SIPA1L2: variants seen among roughly 807,000 people sequenced by gnomAD.
The protein encoded by SIPA1L2 is signal-induced proliferation-associated 1-like protein 2.
A neutral mutation model predicts 163.9 loss-of-function variants in SIPA1L2; 56 were observed. That is an observed-to-expected ratio of 0.34 (90% CI 0.28 to 0.43). SIPA1L2 has a LOEUF of 0.43. Ranked by LOEUF, SIPA1L2 falls within the 20% of genes least tolerant of loss-of-function variation. SIPA1L2 has a pLI of 1.00. For synonymous variants in SIPA1L2, 877 were observed against 865.7 expected, an observed-to-expected ratio of 1.01 and a Z score of -0.23; for missense variants, 1,974 against 2,193.5, an observed-to-expected ratio of 0.90 and a Z score of 2.00.
At chr1:232,442,330 A>G (rs555611296) in intron 12 of SIPA1L2, among the ~76,000 whole-genome samples, 2 of 152,056 alleles carry the variant, frequency 1.3e-5, no homozygotes, top group South Asian at 4.2e-4. Context: ...CGAGCAGATC[A>G]CTAGGTCAGG....
chr1:232,596,295 G>A (rs1661251088), intron 1 of SIPA1L2, among the ~76,000 whole-genome samples: 1 of 152,102 alleles, frequency 6.6e-6, no homozygotes, highest in African/African-American at 2.4e-5. Flanking sequence ...AAAACATACA[G>A]AACATCACAC....
At position 232,427,442 on chromosome 1, in the gene SIPA1L2, G is replaced by A. The variant is rs899698453; in HGVS notation, c.4410+969C>T. Among the ~76,000 whole-genome samples the A allele has an allele frequency of 3.9e-5, 6 of 152,322 alleles. No homozygotes were observed. In the South Asian group the frequency reaches 1.2e-3, roughly 32 times the overall value. ...AGACCTGCAGTTTACCCTGATCATGGTCAGTATGGCAATACCTGATTTCCT... is the reference window on the plus strand; with the variant it reads ...AGACCTGCAGTTTACCCTGATCATGATCAGTATGGCAATACCTGATTTCCT... On this transcript the variant is annotated intron_variant, in intron 17 of 22. Coordinates refer to ENST00000674635, the MANE Select transcript of SIPA1L2 (RefSeq NM_020808.5).
chr1:232,460,835 T>C, intron 10 of SIPA1L2, 52 bp downstream of exon 10: 7 of 1,579,030 alleles, frequency 4.4e-6, no homozygotes, highest in Non-Finnish European at 6.0e-6. Context: ...GACAGCCACC[T>C]GCTACAGAGG....
intron 2 of SIPA1L2, among the ~76,000 whole-genome samples, chr1:232,535,310 C>T (rs1657235845): frequency 6.6e-6 from 1 of 152,084 alleles, no homozygotes; most frequent in Non-Finnish European, 1.5e-5. Context: ...TCTAATTTTC[C>T]TTCATGAATG....
chr1:232,460,773 G>T, intron 10 of SIPA1L2, 114 bp downstream of exon 10: 1 of 1,300,114 alleles, frequency 7.7e-7, no homozygotes. Flanking sequence ...CCAGAACACT[G>T]TACAAAGACA....
At chr1:232,529,155 C>CAT (rs1667855632) in intron 2 of SIPA1L2, among the ~76,000 whole-genome samples, 1 of 152,144 alleles carries the variant, frequency 6.6e-6, no homozygotes, top group Admixed American at 6.5e-5. Flanking sequence ...AGTTATGATA[C>CAT]ACAGGTGTCT....
At chr1:232,494,272 A>G (rs1666068777) in intron 3 of SIPA1L2, among the ~76,000 whole-genome samples, 1 of 152,254 alleles carries the variant, frequency 6.6e-6, no homozygotes, top group Non-Finnish European at 1.5e-5. Context: ...TTTTATCCAC[A>G]AATCCTATAA....
chr1:232,493,415 CATT>C, intron 4 of SIPA1L2, 109 bp downstream of exon 4: 1 of 1,314,766 alleles, frequency 7.6e-7, no homozygotes, highest in East Asian at 2.3e-5. Flanking sequence ...ATGTTGCAAT[CATT>C]AACATTAAAA....
chr1:232,585,062 A>G (rs755758439), intron 1 of SIPA1L2, among the ~76,000 whole-genome samples: 3 of 152,240 alleles, frequency 2.0e-5, no homozygotes, highest in Non-Finnish European at 4.4e-5. Flanking sequence ...CAATTGGGGT[A>G]GAGATCTTGA....
In SIPA1L2 at chr1:232,528,573, C is replaced by G. The variant is rs1387504179; in HGVS notation, c.-269-12965G>C. Among the ~76,000 whole-genome samples the G allele has an allele frequency of 2.0e-5, 3 of 152,194 alleles. No individual in the cohort carries two copies. The East Asian group carries it at 5.8e-4, about 29-fold the overall frequency. On this transcript the variant is annotated intron_variant, in intron 2 of 22. Transcript: ENST00000674635. ...CCTCCTTCCTGTAACGGGCAACTCT[C>G]CTCTTCATCCTTCTTAGAGCCAGAC...
At position 232,598,665 on chromosome 1, in the gene SIPA1L2, C is replaced by T. The variant is rs1312756215; in HGVS notation, c.-318-24443G>A. ...GGTGAGAGCCCACTTCTCTGATTCA[C>T]AGAACGTCACCATCTTACATGGGTC... On this transcript the variant is annotated intron_variant, in intron 1 of 22. Coordinates refer to ENST00000674635, the MANE Select transcript of SIPA1L2 (RefSeq NM_020808.5). Among the ~76,000 whole-genome samples the T allele has an allele frequency of 2.6e-5, 4 of 152,158 alleles. No individual in the cohort carries two copies. In the East Asian group the frequency reaches 7.7e-4, roughly 29 times the overall value.
intron 3 of SIPA1L2, among the ~76,000 whole-genome samples, chr1:232,499,969 T>C (rs1439014709): frequency 1.3e-5 from 2 of 149,668 alleles, no homozygotes; most frequent in Admixed American, 6.9e-5. Flanking sequence ...CTGTTTACAG[T>C]ATGGTTTACT....
chr1:232,478,016 C>T (rs1665134507), intron 7 of SIPA1L2, among the ~76,000 whole-genome samples: 1 of 152,164 alleles, frequency 6.6e-6, no homozygotes, highest in South Asian at 2.1e-4. Flanking sequence ...GCAACAACTC[C>T]CACAGAGTTT....
chr1:232,582,561 T>C (rs1660437923), intron 1 of SIPA1L2, among the ~76,000 whole-genome samples: 1 of 152,242 alleles, frequency 6.6e-6, no homozygotes, highest in Non-Finnish European at 1.5e-5. Context: ...CCACCACTGA[T>C]GGGCACCTAG....
chr1:232,603,151 A>C (rs192666776), intron 1 of SIPA1L2, among the ~76,000 whole-genome samples: 2 of 152,346 alleles, frequency 1.3e-5, no homozygotes. Context: ...CTATGTTGAC[A>C]GTGACAGCAC....
chr1:232,419,558 G>C (rs71638435), intron 18 of SIPA1L2, among the ~76,000 whole-genome samples: 4 of 152,034 alleles, frequency 2.6e-5, no homozygotes, highest in Admixed American at 2.6e-4. Context: ...GTGAGTTCTC[G>C]TGAGATCTGG....
rs778815599 is a variant in SIPA1L2 at position 232,516,291 on chromosome 1, T to C, written c.-269-683A>G. On this transcript the variant is annotated intron_variant, in intron 2 of 22. Transcript: ENST00000674635. ...TCTGGTATCTGATACATCAAATACA[T>C]TGCAGTAGTGAGATACTGGGTAAGA... Among the ~76,000 whole-genome samples, 6 of 152,310 alleles carry C rather than the reference T, an allele frequency of 3.9e-5. No homozygotes were observed. The East Asian group carries it at 7.7e-4, about 20-fold the overall frequency.
At position 232,432,403 on chromosome 1, in the gene SIPA1L2, T is replaced by A. The variant is rs758113456; in HGVS notation, c.4100A>T (p.Lys1367Ile). The stretch of plus-strand genomic sequence containing the variant: ...GCTGCTGTGAGACACGATGTAGACT[T>A]TGGATGAATCCAGAGACCCACTACT... ...SKSSGSLDSS[K>I]VYIVSHSSGQ... Residue 1367 changes from lysine to isoleucine, a missense_variant, in exon 16 of 23, where the codon AAA becomes ATA. Physicochemically the swap from Lys to Ile is moderately radical, Grantham distance 102. Around this residue, in one of 3 missense-constraint regions of SIPA1L2, gnomAD observed 1,079 missense variants for 1,150.7 expected, o/e 0.94. Transcript: ENST00000674635. 1 of 1,614,100 alleles carries A rather than the reference T, an allele frequency of 6.2e-7. No individual in the cohort carries two copies. The highest frequency in any genetic ancestry group is 8.5e-7 in the Non-Finnish European group (1 of 1,180,048).
chr1:232,549,121 A>AC (rs920483036), intron 2 of SIPA1L2, among the ~76,000 whole-genome samples: 2 of 152,304 alleles, frequency 1.3e-5, no homozygotes, highest in Admixed American at 1.3e-4. Context: ...GGTCTGTGCC[A>AC]CCAGCACCCT....
Sources: gnomAD v4.1 joint callset for allele counts (sites outside exome capture counted in the v4.1 genomes callset) on GRCh38, gnomAD v4.1.1 for gene constraint, gnomAD v4.1.1 regional missense constraint, MANE v1.5 for transcripts, NCBI Gene and HGNC (gene_info 2026-07-23, HGNC 2026-07-21) for gene names.